Variants in SORBS2 observed in about 807,000 individuals in gnomAD.
SORBS2 encodes sorbin and SH3 domain-containing protein 2.
SORBS2 carries 46 observed loss-of-function variants against 97.7 expected under a neutral mutation model. That is an observed-to-expected ratio of 0.47 (90% CI 0.37 to 0.60). The LOEUF is 0.60. Among genes scored for constraint, SORBS2 ranks in the 20% least tolerant of loss-of-function variants. The pLI is 0.00. For synonymous variants in SORBS2, 476 were observed against 473.4 expected (o/e 1.01, Z -0.07); for missense variants, 1,316 against 1,282.3 (o/e 1.03, Z -0.40).
At chr4:185,702,405 T>C (rs995448465) in intron 2 of SORBS2, among the ~76,000 whole-genome samples, 2 of 152,100 alleles carry the variant, frequency 1.3e-5, no homozygotes, top group Non-Finnish European at 2.9e-5. Context: ...CCCCCAGGAA[T>C]GAATAGAGCA....
chr4:185,606,214 C>T lies in SORBS2; in HGVS notation c.2796+5566G>A. On this transcript the variant is annotated intron_variant, in intron 12 of 14. Coordinates refer to ENST00000418609, the Ensembl canonical transcript of SORBS2. The surrounding 1 kb of genome is among the most constrained non-coding windows in gnomAD (Gnocchi z 4.3). ...GTGGGGATGATAATGTCACACACCTCACTGGGTTTTGACGATTAAAGATGT... is the reference window on the plus strand; with the variant it reads ...GTGGGGATGATAATGTCACACACCTTACTGGGTTTTGACGATTAAAGATGT... 1 of 985,388 alleles carries T rather than the reference C, an allele frequency of 1.0e-6. No individual in the cohort carries two copies. The allele number at this position is 985,388 out of a possible 1,614,324, so 61.0% of individuals were successfully genotyped here. A position where few individuals can be genotyped will look rare whatever the true frequency, so the allele number is the denominator to read the frequency against.
At chr4:185,929,007 C>A (rs1296931595) in intron 1 of SORBS2, among the ~76,000 whole-genome samples, 1 of 152,216 alleles carries the variant, frequency 6.6e-6, no homozygotes, top group African/African-American at 2.4e-5. Context: ...AAAGGAAAAA[C>A]TACTGTCATT....
intron 2 of SORBS2, 98 bp from the exon 12 acceptor site, chr4:185,649,754 G>A: frequency 1.4e-6 from 1 of 705,528 alleles, no homozygotes; most frequent in Non-Finnish European, 2.1e-6. Context: ...GCCAATGATT[G>A]CATAGAAATT....
exon 3 of SORBS2, chr4:185,678,805 G>A (rs780162054): frequency 4.8e-6 from 7 of 1,464,622 alleles, no homozygotes; most frequent in Non-Finnish European, 6.3e-6. Context: ...CCTGAGTCTG[G>A]TGACTGAGAA....
intron 4 of SORBS2, among the ~76,000 whole-genome samples, chr4:185,640,442 A>C (rs1447394568): frequency 6.6e-6 from 1 of 152,190 alleles, no homozygotes; most frequent in Admixed American, 6.5e-5. Flanking sequence ...TTTTGTAATA[A>C]ATAAATTCAG....
intron 2 of SORBS2, among the ~76,000 whole-genome samples, chr4:185,650,173 T>C (rs937793282): frequency 6.6e-6 from 1 of 152,212 alleles, no homozygotes; most frequent in African/African-American, 2.4e-5. Flanking sequence ...GAGTCCTCAA[T>C]ATGCTTAGAG....
At chr4:185,887,137 G>T (rs565234307) in intron 1 of SORBS2, among the ~76,000 whole-genome samples, 2 of 152,312 alleles carry the variant, frequency 1.3e-5, no homozygotes, top group African/African-American at 4.8e-5. Flanking sequence ...GTAAAAGAGG[G>T]TCCACGAGCC....
chr4:185,888,754 C>T (rs971941768), intron 1 of SORBS2, among the ~76,000 whole-genome samples: 9 of 152,200 alleles, frequency 5.9e-5, no homozygotes, highest in African/African-American at 1.9e-4. Context: ...CTGCTGTGTC[C>T]ACCCCAACCC....
chr4:185,647,190 A>T (rs571516998), intron 3 of SORBS2, among the ~76,000 whole-genome samples: 1 of 152,244 alleles, frequency 6.6e-6, no homozygotes, highest in South Asian at 2.1e-4. Flanking sequence ...CAGAAGTGTC[A>T]TGTGGGTTGG....
rs1235061193 is a variant in SORBS2, at chr4:185,607,235, G to T, written c.2796+4545C>A. On this transcript the variant is annotated intron_variant, in intron 12 of 14. Transcript: ENST00000418609. This position sits in a 1 kb window ranked among gnomAD's most constrained non-coding sequence, Gnocchi z 5.2. ...GGTGTTGGGGCCAAAGGGTTTGCTG[G>T]TAGACATGAGGCTGTCAGGGACAAC... 1 of 1,208,434 alleles carries T rather than the reference G, an allele frequency of 8.3e-7. No homozygotes were observed. The highest frequency in any genetic ancestry group is 7.2e-5 in the East Asian group (1 of 13,836). The allele number at this position is 1,208,434 out of a possible 1,614,324, so 74.9% of individuals were successfully genotyped here. A position where few individuals can be genotyped will look rare whatever the true frequency, so the allele number is the denominator to read the frequency against.
intron 4 of SORBS2, among the ~76,000 whole-genome samples, chr4:185,666,407 G>C (rs2097599426): frequency 6.6e-6 from 1 of 152,182 alleles, no homozygotes; most frequent in Non-Finnish European, 1.5e-5. Flanking sequence ...GGTGTGTTTT[G>C]AAACAAGGCC....
At chr4:185,709,654 G>A (rs1318752129) in intron 2 of SORBS2, among the ~76,000 whole-genome samples, 1 of 151,978 alleles carries the variant, frequency 6.6e-6, no homozygotes, top group Non-Finnish European at 1.5e-5. Context: ...GTGGCCATCT[G>A]TAGATCCTGT....
intron 2 of SORBS2, among the ~76,000 whole-genome samples, chr4:185,690,051 T>TTA (rs1168645434): frequency 1.3e-5 from 2 of 152,144 alleles, no homozygotes; most frequent in African/African-American, 4.8e-5. Flanking sequence ...AGTTGTTAAG[T>TTA]TATTTGGAGA....
upstream of SORBS2, among the ~76,000 whole-genome samples, chr4:185,661,022 C>T (rs1371914608): frequency 6.6e-6 from 1 of 152,056 alleles, no homozygotes; most frequent in Non-Finnish European, 1.5e-5. Context: ...TGCCTGTAAT[C>T]CCAGCACTTA....
chr4:185,849,642 C>T (rs1489954430), intron 1 of SORBS2, among the ~76,000 whole-genome samples: 1 of 152,152 alleles, frequency 6.6e-6, no homozygotes, highest in Non-Finnish European at 1.5e-5. Flanking sequence ...CCCCTTGTTG[C>T]AGAATAAGAC....
At chr4:185,920,501 A>T (rs2099260480) in intron 1 of SORBS2, among the ~76,000 whole-genome samples, 1 of 152,174 alleles carries the variant, frequency 6.6e-6, no homozygotes, top group Non-Finnish European at 1.5e-5. Context: ...CATACAAAGT[A>T]CCTCCATTCC....
At chr4:185,625,562 A>G (rs2096796440) in intron 6 of SORBS2, among the ~76,000 whole-genome samples, 1 of 152,258 alleles carries the variant, frequency 6.6e-6, no homozygotes, top group African/African-American at 2.4e-5. Context: ...TGAAACAAAT[A>G]TCTACATTTA....
At chr4:185,589,078 C>T (rs1561255912) in intron 14 of SORBS2, 1 of 152,604 alleles carries the variant, frequency 6.6e-6, no homozygotes, top group Middle Eastern at 3.4e-3. Context: ...TTCCTTTTCA[C>T]CTCTTTCTGT....
Position 185,638,116 on chromosome 4 carries a change from C to T in SORBS2, c.397-7518G>A, listed in dbSNP as rs1408524094. The T allele has an allele frequency of 3.7e-6, 6 of 1,611,780 alleles. No homozygotes were observed. In the East Asian group the frequency reaches 8.9e-5, roughly 24 times the overall value. On this transcript the variant is annotated intron_variant, in intron 4 of 14. Coordinates refer to ENST00000418609, the Ensembl canonical transcript of SORBS2. The stretch of plus-strand genomic sequence containing the variant: ...CTCCAGTTCTGAAAAGAATTTATAC[C>T]AGGGCTCATTTTCTAAATCTATGTC...
Sources: gnomAD v4.1 joint callset for allele counts (sites outside exome capture counted in the v4.1 genomes callset) on GRCh38, gnomAD v4.1.1 for gene constraint, Gnocchi (gnomAD v3.1) non-coding constraint, MANE v1.5 for transcripts, NCBI Gene and HGNC (gene_info 2026-07-23, HGNC 2026-07-21) for gene names.